Variants in DISP1 observed in about 807,000 individuals in gnomAD.
DISP1 encodes dispatched RND transporter family member 1.
DISP1 carries 30 observed loss-of-function variants against 37.3 expected under a neutral mutation model. The ratio of observed to expected loss-of-function variants is 0.80; its 90% CI spans 0.60 to 1.09. DISP1 has a LOEUF of 1.09. DISP1 is among the 50% of genes least tolerant of loss of function. The pLI is 0.00. For missense variants in DISP1, 1,598 were observed against 1,879.5 expected (o/e 0.85, Z 2.77); for synonymous variants, 634 against 690.2 (o/e 0.92, Z 1.28).
rs530851036 is a variant in DISP1 at position 222,992,186 on chromosome 1, C to G, written c.889+76C>G. 18 of 1,178,588 alleles carry G rather than the reference C, an allele frequency of 1.5e-5. No individual in the cohort carries two copies. In the South Asian group the frequency reaches 2.1e-4, roughly 14 times the overall value. The allele number at this position is 1,178,588 out of a possible 1,614,324, so 73.0% of individuals were successfully genotyped here. A position where few individuals can be genotyped will look rare whatever the true frequency, so the allele number is the denominator to read the frequency against. ...AAATTGAACATGATCACAGTCTAGA[C>G]TGATAGCCGTGTGTGGCTAGTCACA... On this transcript the variant is annotated intron_variant, in intron 7 of 8. Transcript: ENST00000675850.
intron 1 of DISP1, among the ~76,000 whole-genome samples, chr1:222,817,066 T>A (rs1029075541): frequency 1.2e-4 from 18 of 152,238 alleles, no homozygotes; most frequent in African/African-American, 4.3e-4. Context: ...GCTAGCTATA[T>A]ATATGAATGG....
At chr1:222,830,759 C>T (rs1292596253) in intron 1 of DISP1, among the ~76,000 whole-genome samples, 5 of 152,214 alleles carry the variant, frequency 3.3e-5, no homozygotes, top group Non-Finnish European at 7.3e-5. Context: ...AACACAGTCT[C>T]TGCCATTAGC....
chr1:222,885,813 T>A (rs1372559356), intron 1 of DISP1, among the ~76,000 whole-genome samples: 1 of 152,096 alleles, frequency 6.6e-6, no homozygotes, highest in Non-Finnish European at 1.5e-5. Context: ...TATACGTATA[T>A]GTACTAACAT....
At chr1:222,875,067 G>A (rs74516388) in intron 1 of DISP1, among the ~76,000 whole-genome samples, 1 of 152,058 alleles carries the variant, frequency 6.6e-6, no homozygotes, top group African/African-American at 2.4e-5. Context: ...TACCAATTTG[G>A]GGAAGGAGGT....
chr1:222,892,915 T>C (rs1323105085), intron 1 of DISP1, among the ~76,000 whole-genome samples: 3 of 152,252 alleles, frequency 2.0e-5, no homozygotes, highest in Non-Finnish European at 4.4e-5. Flanking sequence ...ATGTTTGTCA[T>C]GAAATAAAAG....
At chr1:222,871,027 G>A (rs1296179407) in intron 1 of DISP1, among the ~76,000 whole-genome samples, 1 of 151,844 alleles carries the variant, frequency 6.6e-6, no homozygotes, top group East Asian at 1.9e-4. Context: ...AGTTTTCCCA[G>A]CACTATTTAT....
chr1:222,883,644 A>G (rs935883335), intron 1 of DISP1, among the ~76,000 whole-genome samples: 5 of 152,180 alleles, frequency 3.3e-5, no homozygotes, highest in Admixed American at 6.5e-5. Flanking sequence ...AAGATTATAC[A>G]TTGTTTAGAG....
At chr1:222,990,869 C>A (rs1304197357) in intron 5 of DISP1, 121 bp downstream of exon 5, 58 of 1,356,664 alleles carry the variant, frequency 4.3e-5, no homozygotes, top group East Asian at 9.5e-5. Flanking sequence ...AGCAACAATT[C>A]TCTTTCTGAA....
chr1:222,936,896 ATTT>A (rs1558340400), intron 2 of DISP1, among the ~76,000 whole-genome samples: 4 of 35,462 alleles, frequency 1.1e-4, no homozygotes, highest in African/African-American at 3.9e-4. Flanking sequence ...ATAATATATT[ATTT>A]ATATATAATA....
intron 3 of DISP1, among the ~76,000 whole-genome samples, chr1:222,955,093 C>CTTTT (rs4011733): frequency 1.4e-5 from 2 of 144,346 alleles, no homozygotes; most frequent in African/African-American, 2.6e-5. Flanking sequence ...CATTTTAAAG[C>CTTTT]TTTTTTTTTT....
At chr1:222,915,236 G>T (rs896786783) in intron 1 of DISP1, among the ~76,000 whole-genome samples, 1 of 152,158 alleles carries the variant, frequency 6.6e-6, no homozygotes, top group Admixed American at 6.5e-5. Context: ...CAAGATTAGG[G>T]ATTATTTTAG....
At chr1:222,859,891 G>A (rs1211118155) in intron 1 of DISP1, among the ~76,000 whole-genome samples, 1 of 152,164 alleles carries the variant, frequency 6.6e-6, no homozygotes, top group Admixed American at 6.5e-5. Flanking sequence ...TTCATTGTCT[G>A]TCACAGTCTG....
intron 1 of DISP1, among the ~76,000 whole-genome samples, chr1:222,828,496 A>G (rs1361385118): frequency 6.6e-6 from 1 of 152,160 alleles, no homozygotes; most frequent in Non-Finnish European, 1.5e-5. Flanking sequence ...AACAGTGTTT[A>G]TATTTACCCA....
chr1:222,827,539 A>C (rs1334455132), intron 1 of DISP1: 4 of 152,186 alleles, frequency 2.6e-5, no homozygotes, highest in Middle Eastern at 3.2e-3. Context: ...TTCATGCAAC[A>C]AGATGTTATT....
At chr1:222,951,967 T>G (rs1655244376) in intron 3 of DISP1, among the ~76,000 whole-genome samples, 1 of 152,218 alleles carries the variant, frequency 6.6e-6, no homozygotes, top group East Asian at 1.9e-4. Context: ...TAAATTTTTA[T>G]GTATAAAGTT....
intron 2 of DISP1, among the ~76,000 whole-genome samples, chr1:222,936,643 ATATATATATCTCTCATATATATGAGG>A: frequency 1.0e-5 from 1 of 100,246 alleles, no homozygotes; most frequent in East Asian, 3.0e-4. Flanking sequence ...TATATATGAG[ATATATATATCTCTCATATATATGAGG>A]TATATATAAT....
chr1:223,003,788 C>T lies in DISP1; in HGVS notation c.2391C>T (p.Asp797=), dbSNP rs1213921602. The T allele has an allele frequency of 6.2e-7, 1 of 1,614,198 alleles. No homozygotes were observed. The highest frequency in any genetic ancestry group is 8.5e-7 in the Non-Finnish European group (1 of 1,180,042). Residue 797 remains aspartate, a synonymous_variant, in exon 9 of 9, where the codon GAC becomes GAT. Coordinates refer to ENST00000675850, the MANE Select transcript of DISP1 (RefSeq NM_001377229.1). The surrounding 1 kb of genome is among the most constrained non-coding windows in gnomAD (Gnocchi z 4.3). ...TAATCTGGGGCGTGTCCCCAGAAGA[C>T]AATGGCAACCCACTAAATCCCAAGA... ...ITVIWGVSPE[D]NGNPLNPKSK...
chr1:222,908,662 G>C (rs542331680), intron 1 of DISP1, among the ~76,000 whole-genome samples: 2 of 152,214 alleles, frequency 1.3e-5, no homozygotes, highest in South Asian at 4.2e-4. Context: ...CCAAAGTGCT[G>C]GGATTACAGG....
At chr1:222,888,594 G>A (rs946257075) in intron 1 of DISP1, among the ~76,000 whole-genome samples, 1 of 152,102 alleles carries the variant, frequency 6.6e-6, no homozygotes, top group Non-Finnish European at 1.5e-5. Flanking sequence ...ATTAAATTTT[G>A]AGTTATGTAG....
Sources: gnomAD v4.1 joint callset for allele counts (sites outside exome capture counted in the v4.1 genomes callset) on GRCh38, gnomAD v4.1.1 for gene constraint, Gnocchi (gnomAD v3.1) non-coding constraint, MANE v1.5 for transcripts, NCBI Gene and HGNC (gene_info 2026-07-23, HGNC 2026-07-21) for gene names.